The following BRD7 variants were observed in gnomAD, a reference collection of about 807,000 sequenced individuals.
BRD7 encodes the protein bromodomain containing 7, also known as bromodomain-containing protein 7.
BRD7 carries 15 observed loss-of-function variants against 82.1 expected under a neutral mutation model. That is an observed-to-expected ratio of 0.18 (90% CI 0.12 to 0.28). BRD7 has a LOEUF of 0.28. Ranked by LOEUF, BRD7 falls within the 10% of genes least tolerant of loss-of-function variation. The probability of loss-of-function intolerance (pLI) is 1.00; values close to 1 mark genes in which losing one functional copy is unlikely to be tolerated. For synonymous variants in BRD7, 232 were observed against 266.9 expected, an observed-to-expected ratio of 0.87 and a Z score of 1.27; for missense variants, 638 against 779.9, an observed-to-expected ratio of 0.82 and a Z score of 2.17.
rs141012534 is a variant in BRD7, at chr16:50,334,840, G to T, written c.758C>A (p.Thr253Asn). The T allele has an allele frequency of 1.5e-4, 238 of 1,614,060 alleles. No homozygotes were observed. The African/African-American group carries it at 2.9e-3, about 20-fold the overall frequency. ...GTCTGTTCCATCTTTCTGCTTTCGA[G>T]TTTTCTGCAAGTCAGCCATGAAGTC... ...SIDFMADLQKTRKQKDGTDTS... is the reference protein window; with the variant it reads ...SIDFMADLQKNRKQKDGTDTS... The change falls in exon 7 of 17, where the codon ACT (threonine) becomes AAT (asparagine). Residue 253 changes from threonine (T) to asparagine (N), a missense_variant. Physicochemically the swap from Thr to Asn is moderately conservative, Grantham distance 65. This residue lies in a region of BRD7 where 402 missense variants were observed against 500.8 expected (regional missense o/e 0.80). Coordinates refer to ENST00000394688, the MANE Select transcript of BRD7 (RefSeq NM_013263.5).
intron 9 of BRD7, among the ~76,000 whole-genome samples, chr16:50,328,133 C>T (rs1442132708): frequency 6.6e-6 from 1 of 152,174 alleles, no homozygotes; most frequent in East Asian, 1.9e-4. Flanking sequence ...TATATGATTT[C>T]CATTAAAACA....
At chr16:50,334,498 G>A (rs1429880815) in intron 7 of BRD7, among the ~76,000 whole-genome samples, 1 of 152,022 alleles carries the variant, frequency 6.6e-6, no homozygotes, top group African/African-American at 2.4e-5. Flanking sequence ...ATACACATTA[G>A]AACTGCTTTC....
At chr16:50,352,762 C>T (rs2038585194) in intron 4 of BRD7, among the ~76,000 whole-genome samples, 1 of 143,378 alleles carries the variant, frequency 7.0e-6, no homozygotes, top group South Asian at 2.2e-4. Context: ...GTGATTTTGA[C>T]TTGCATTTCT....
intron 4 of BRD7, among the ~76,000 whole-genome samples, chr16:50,350,951 T>C (rs1422141703): frequency 6.6e-6 from 1 of 152,180 alleles, no homozygotes; most frequent in Non-Finnish European, 1.5e-5. Flanking sequence ...AGTATTGGCA[T>C]TGGGATTTGA....
rs199909358 is a variant in BRD7, at chr16:50,317,715, C to CTTG, written c.*1493_*1495dup. On this transcript the variant is annotated 3_prime_UTR_variant, in exon 17 of 17. Coordinates refer to ENST00000394688, the MANE Select transcript of BRD7 (RefSeq NM_013263.5). ...CCTGCAGGTATTTTCTTTTTATGAA[C>CTTG]TTGTTTTTAAATTACCAAGTAATTA... The CTTG allele has an allele frequency of 5.4e-3, 828 of 152,372 alleles. 9 individuals are homozygous for CTTG. The highest frequency in any genetic ancestry group is 0.019 in the African/African-American group (784 of 41,528). The allele number at this position is 152,372 out of a possible 1,614,324, so 9.4% of individuals were successfully genotyped here. A position where few individuals can be genotyped will look rare whatever the true frequency, so the allele number is the denominator to read the frequency against.
At chr16:50,336,477 G>C (rs1350376400) in intron 6 of BRD7, among the ~76,000 whole-genome samples, 2 of 152,070 alleles carry the variant, frequency 1.3e-5, no homozygotes, top group African/African-American at 4.8e-5. Context: ...CATTAGAATC[G>C]CTTGAACCCG....
At chr16:50,368,514 C>A in intron 1 of BRD7, 1 of 725,366 alleles carries the variant, frequency 1.4e-6, no homozygotes, top group Non-Finnish European at 2.1e-6. Context: ...TCACGTCTCC[C>A]CACCAGAGAC....
At chr16:50,324,994 T>A (rs1229742358) in intron 11 of BRD7, among the ~76,000 whole-genome samples, 1 of 152,222 alleles carries the variant, frequency 6.6e-6, no homozygotes. Flanking sequence ...AATGTAAAAG[T>A]GAACAGATTC....
rs1382440340 is a variant in BRD7, at chr16:50,317,864, A to C, written c.*1347T>G. 6.6e-6 allele frequency: 1 copy of C among 151,994 alleles called. No homozygotes were observed. Among genetic ancestry groups the C allele is most frequent in the Non-Finnish European group, 1.5e-5 (1 of 67,966 alleles). The allele number at this position is 151,994 out of a possible 1,614,324, so 9.4% of individuals were successfully genotyped here. On this transcript the variant is annotated 3_prime_UTR_variant, in exon 17 of 17. Transcript: ENST00000394688. ...GTTAACTTTTGTGAAAATAATACCT[A>C]AGGTTTTCTGGCTTATTGAGGAAAT... is the stretch of plus-strand genomic sequence containing the variant.
chr16:50,354,772 T>C lies in BRD7; in HGVS notation c.388+21A>G, dbSNP rs756966222. 4.4e-6 allele frequency: 7 copies of C among 1,606,810 alleles called. No individual in the cohort carries two copies. The Admixed American group carries it at 1.2e-4, about 27-fold the overall frequency. On this transcript the variant is annotated intron_variant, in intron 3 of 16. Coordinates refer to ENST00000394688, the MANE Select transcript of BRD7 (RefSeq NM_013263.5). ...ATTTCAGCCTCCTCATTCAGGATAG[T>C]TAATTCAGAGTTATTCCAACCTTCT...
chr16:50,347,231 C>A (rs1394959440), intron 5 of BRD7, among the ~76,000 whole-genome samples: 1 of 152,174 alleles, frequency 6.6e-6, no homozygotes, highest in African/African-American at 2.4e-5. Context: ...TAAAACCTCT[C>A]AATAAACTAG....
At chr16:50,343,833 G>C (rs1355067157) in intron 5 of BRD7, among the ~76,000 whole-genome samples, 1 of 151,958 alleles carries the variant, frequency 6.6e-6, no homozygotes, top group Non-Finnish European at 1.5e-5. Context: ...CCTACCTCTG[G>C]GGGCAGGGCA....
rs959101266 is a variant in BRD7, at chr16:50,317,545, CAAAT to C, written c.*1662_*1665del. 3 of 152,300 alleles carry C rather than the reference CAAAT, an allele frequency of 2.0e-5. No individual in the cohort carries two copies. Among genetic ancestry groups the C allele is most frequent in the Admixed American group, 6.5e-5 (1 of 15,284 alleles). 9.4% of individuals were successfully genotyped at this position (152,300 alleles called of 1,614,324 possible). A position where few individuals can be genotyped will look rare whatever the true frequency, so the allele number is the denominator to read the frequency against. ...ACAGAAACCCCAGTTGGGAGTTTAA[CAAAT>C]AACTGACTACCACTCACTCATGCAT... On this transcript the variant is annotated 3_prime_UTR_variant, in exon 17 of 17. Transcript: ENST00000394688.
At chr16:50,352,028 C>T (rs570251177) in intron 4 of BRD7, among the ~76,000 whole-genome samples, 51 of 152,276 alleles carry the variant, frequency 3.3e-4, no homozygotes, top group Admixed American at 2.7e-3. Context: ...GAGCTTATTC[C>T]TCCCATCTAA....
At chr16:50,357,552 C>T (rs1658349519) in intron 2 of BRD7, among the ~76,000 whole-genome samples, 1 of 152,160 alleles carries the variant, frequency 6.6e-6, no homozygotes, top group African/African-American at 2.4e-5. Context: ...CACAGAGACA[C>T]AGATTCCTTC....
intron 3 of BRD7, 84 bp downstream of exon 3, chr16:50,354,709 T>C: frequency 1.3e-6 from 2 of 1,504,320 alleles, no homozygotes; most frequent in Non-Finnish European, 1.8e-6. Flanking sequence ...AGCTCCAACT[T>C]AGAAGCTAAA....
intron 11 of BRD7, 27 bp from the exon 12 acceptor site, chr16:50,323,725 A>G: frequency 6.5e-7 from 1 of 1,546,778 alleles, no homozygotes; most frequent in Non-Finnish European, 8.9e-7. Flanking sequence ...GGAAAGTCTC[A>G]CATAAATCAC....
Position 50,368,240 on chromosome 16 carries a change from T to A in BRD7, c.108A>T (p.Glu36Asp), listed in dbSNP as rs1358258271. 6.2e-7 allele frequency: 1 copy of A among 1,613,552 alleles called. No individual in the cohort carries two copies. The highest frequency in any genetic ancestry group is 1.3e-5 in the African/African-American group (1 of 74,724). The change falls in exon 2 of 17, where the codon GAA becomes GAT. Residue 36 changes from glutamate to aspartate, a missense_variant. Physicochemically the swap from Glu to Asp is conservative, Grantham distance 45. Coordinates refer to ENST00000394688, the MANE Select transcript of BRD7 (RefSeq NM_013263.5). ...VLKVGGNEVT[E>D]LSTGSSGHDS... ...CGTGCCCCGAGCTGCCCGTGGAGAG[T>A]TCGGTGACTTCGTTCCCTCCTACTT...
chr16:50,354,820 G>A lies in BRD7; in HGVS notation c.361C>T (p.Leu121Phe), dbSNP rs748553701. The A allele has an allele frequency of 6.2e-7, 1 of 1,612,228 alleles. No homozygotes were observed. The highest frequency in any genetic ancestry group is 8.5e-7 in the Non-Finnish European group (1 of 1,179,896). Residue 121 changes from leucine to phenylalanine, a missense_variant, in exon 3 of 17, where the codon CTC becomes TTC. By Grantham distance (22) the Leu-to-Phe change is conservative. This residue lies in a region of BRD7 where 172 missense variants were observed against 155.3 expected (regional missense o/e 1.11). Coordinates refer to ENST00000394688, the MANE Select transcript of BRD7 (RefSeq NM_013263.5). ...VRLDLPPEKP[L>F]TSSLAKQEEV... ...TCTTGTTTGGCTAAAGAGCTTGTGAGAGGCTTCTCAGGAGGCAAGTCTAAT... is the reference window on the plus strand; with the variant it reads ...TCTTGTTTGGCTAAAGAGCTTGTGAAAGGCTTCTCAGGAGGCAAGTCTAAT...
Sources: allele counts gnomAD v4.1 joint callset (sites outside exome capture counted in the v4.1 genomes callset), GRCh38; gene constraint gnomAD v4.1.1; regional missense constraint gnomAD v4.1.1; transcripts MANE v1.5; gene names NCBI Gene and HGNC (gene_info 2026-07-23, HGNC 2026-07-21).